The following TMEM196 variants were observed in gnomAD, a reference collection of about 807,000 sequenced individuals.
TMEM196 encodes the protein transmembrane protein 196.
TMEM196 carries 17 observed loss-of-function variants against 20.0 expected under a neutral mutation model. The ratio of observed to expected loss-of-function variants is 0.85; its 90% CI spans 0.58 to 1.27. The LOEUF is 1.27. Among genes scored for constraint, TMEM196 ranks in the 50% most tolerant of loss-of-function variants. TMEM196 has a pLI of 0.00. For synonymous variants in TMEM196, 113 were observed against 88.9 expected (o/e 1.27, Z -1.52); for missense variants, 267 against 223.0 (o/e 1.20, Z -1.26).
intron 1 of TMEM196, among the ~76,000 whole-genome samples, chr7:19,755,303 G>A (rs17452672): frequency 0.026 from 3,900 of 152,090 alleles, 83 homozygotes; most frequent in South Asian, 0.066. Context: ...CCTCCTGGTC[G>A]ACTGCTATTA....
intron 3 of TMEM196, 28 bp downstream of exon 3, chr7:19,725,486 C>T: frequency 6.3e-7 from 1 of 1,586,702 alleles, no homozygotes. Flanking sequence ...CATGTGCTAG[C>T]AGTGAGAGGA....
chr7:19,751,022 G>A (rs1172980171), intron 1 of TMEM196, among the ~76,000 whole-genome samples: 1 of 152,142 alleles, frequency 6.6e-6, no homozygotes, highest in African/African-American at 2.4e-5. Flanking sequence ...TCTCTGATTC[G>A]AAATAAAGGA....
rs766938932 is a variant in TMEM196 at position 19,724,330 on chromosome 7, G to A, written c.483C>T (p.Thr161=). 28 of 1,550,178 alleles carry A rather than the reference G, an allele frequency of 1.8e-5. No individual in the cohort carries two copies. In the South Asian group the frequency reaches 2.0e-4, roughly 11 times the overall value. The change falls in exon 4 of 5, where the codon ACC becomes ACT. Residue 161 remains threonine (T), a synonymous_variant. Transcript: ENST00000405844. ...GCACCACCGGGCAGCTGGGCAAGTCGGTTATTTCAATAGCCCTCAATCTCT... is the reference window on the plus strand; with the variant it reads ...GCACCACCGGGCAGCTGGGCAAGTCAGTTATTTCAATAGCCCTCAATCTCT... ...AEKRLRAIEI[T]DLPSCPVVPP...
At position 19,721,606 on chromosome 7, in the gene TMEM196, T is replaced by C. The variant is rs566833133; in HGVS notation, c.*522A>G. On this transcript the variant is annotated 3_prime_UTR_variant, in exon 5 of 5. Transcript: ENST00000405844. The stretch of plus-strand genomic sequence containing the variant: ...ATTCACAAGTTGAAAATAATTACAA[T>C]GTTTTTATAACAAGGCATTACTGAG... 6.6e-6 allele frequency: 1 copy of C among 152,222 alleles called. No individual in the cohort carries two copies. Among genetic ancestry groups the C allele is most frequent in the East Asian group, 1.9e-4 (1 of 5,196 alleles). 9.4% of individuals were successfully genotyped at this position (152,222 alleles called of 1,614,324 possible). A position where few individuals can be genotyped will look rare whatever the true frequency, so the allele number is the denominator to read the frequency against.
chr7:19,768,585 A>G (rs1459358007), intron 1 of TMEM196, among the ~76,000 whole-genome samples: 1 of 152,102 alleles, frequency 6.6e-6, no homozygotes, highest in Non-Finnish European at 1.5e-5. Flanking sequence ...AATTCACATG[A>G]CTATATCTTT....
At chr7:19,745,848 C>T (rs867993582) in intron 1 of TMEM196, among the ~76,000 whole-genome samples, 1 of 151,044 alleles carries the variant, frequency 6.6e-6, no homozygotes, top group Middle Eastern at 3.4e-3. Context: ...TTGGCGTATT[C>T]TATGGGTTAT....
chr7:19,749,251 G>A (rs1038045793), intron 1 of TMEM196, among the ~76,000 whole-genome samples: 9 of 152,156 alleles, frequency 5.9e-5, no homozygotes, highest in African/African-American at 2.2e-4. Flanking sequence ...CTTAGAAGTG[G>A]AGGAAGACCT....
At chr7:19,734,376 T>C (rs150252306) in intron 1 of TMEM196, among the ~76,000 whole-genome samples, 25 of 152,330 alleles carry the variant, frequency 1.6e-4, no homozygotes, top group African/African-American at 6.0e-4. Context: ...ATTATGGCCC[T>C]CCAAATATGT....
At chr7:19,747,226 G>A (rs1157433908) in intron 1 of TMEM196, among the ~76,000 whole-genome samples, 1 of 148,640 alleles carries the variant, frequency 6.7e-6, no homozygotes, top group Non-Finnish European at 1.5e-5. Context: ...CTGCACTCCA[G>A]CCTGGGCGAC....
chr7:19,768,764 G>T (rs1785736932), intron 1 of TMEM196, among the ~76,000 whole-genome samples: 1 of 152,078 alleles, frequency 6.6e-6, no homozygotes, highest in Non-Finnish European at 1.5e-5. Flanking sequence ...ATAGTTAACT[G>T]ATTTTTCCTT....
At chr7:19,749,884 C>T (rs140894263) in intron 1 of TMEM196, among the ~76,000 whole-genome samples, 2 of 152,280 alleles carry the variant, frequency 1.3e-5, no homozygotes, top group Non-Finnish European at 2.9e-5. Flanking sequence ...AATCATAACT[C>T]GTCTGGCATA....
At chr7:19,758,908 G>A (rs4719582) in intron 1 of TMEM196, among the ~76,000 whole-genome samples, 73,066 of 151,892 alleles carry the variant, frequency 0.48, 20,725 homozygotes, top group East Asian at 0.9. Context: ...TTTTTTTACA[G>A]TAGACAAAGA....
At chr7:19,770,044 T>C (rs749820779) in intron 1 of TMEM196, among the ~76,000 whole-genome samples, 8 of 151,944 alleles carry the variant, frequency 5.3e-5, no homozygotes, top group African/African-American at 1.9e-4. Flanking sequence ...AACCAGGTAG[T>C]ATGGCTTCAG....
chr7:19,730,564 A>G (rs543510693), intron 1 of TMEM196, among the ~76,000 whole-genome samples: 1 of 152,352 alleles, frequency 6.6e-6, no homozygotes, highest in East Asian at 1.9e-4. Flanking sequence ...TTATTCGCAA[A>G]GAGAACTAGT....
intron 1 of TMEM196, among the ~76,000 whole-genome samples, chr7:19,733,701 C>A (rs1784292932): frequency 6.6e-6 from 1 of 151,594 alleles, no homozygotes; most frequent in Non-Finnish European, 1.5e-5. Context: ...AGGAATTCAT[C>A]TTGGGCCTGG....
At chr7:19,767,461 A>G (rs1462683827) in intron 1 of TMEM196, among the ~76,000 whole-genome samples, 2 of 152,014 alleles carry the variant, frequency 1.3e-5, no homozygotes, top group Non-Finnish European at 2.9e-5. Flanking sequence ...CCATTAGTGG[A>G]CTTTATTATA....
At position 19,719,756 on chromosome 7, in the gene TMEM196, A is replaced by G. The variant is rs1783755230; in HGVS notation, c.*2372T>C. The G allele has an allele frequency of 6.6e-6, 1 of 152,138 alleles. No individual in the cohort carries two copies. Among genetic ancestry groups the G allele is most frequent in the African/African-American group, 2.4e-5 (1 of 41,462 alleles). The allele number at this position is 152,138 out of a possible 1,614,324, so 9.4% of individuals were successfully genotyped here. On this transcript the variant is annotated 3_prime_UTR_variant, in exon 5 of 5. Transcript: ENST00000405844. ...TCCCAAGTAAATCATTCTAAACTCA[A>G]TTCTGAAAATACTAGGTAGAAATAA...
intron 1 of TMEM196, among the ~76,000 whole-genome samples, chr7:19,745,299 C>T (rs759188389): frequency 3.9e-5 from 6 of 151,988 alleles, no homozygotes; most frequent in South Asian, 2.1e-4. Flanking sequence ...GCAGAACCTG[C>T]GCATAGGGAG....
Position 19,721,868 on chromosome 7 carries a change from A to C in TMEM196, c.*260T>G. 2.1e-6 allele frequency: 1 copy of C among 484,840 alleles called. No individual in the cohort carries two copies. The highest frequency in any genetic ancestry group is 3.6e-6 in the Non-Finnish European group (1 of 277,900). 30.0% of individuals were successfully genotyped at this position (484,840 alleles called of 1,614,324 possible). ...ACAATCTGGAAAGCCTCTTGAAATT[A>C]TTGTACTAGAATGTTTCTGGAAAGT... On this transcript the variant is annotated 3_prime_UTR_variant, in exon 5 of 5. Transcript: ENST00000405844.
Sources: allele counts gnomAD v4.1 joint callset (sites outside exome capture counted in the v4.1 genomes callset), GRCh38; gene constraint gnomAD v4.1.1; transcripts MANE v1.5; gene names NCBI Gene and HGNC (gene_info 2026-07-23, HGNC 2026-07-21).